Variants in CCDC62 observed in about 807,000 individuals in gnomAD.
CCDC62 encodes coiled-coil domain containing 62, also known as coiled-coil domain-containing protein 62.
In CCDC62, 72 loss-of-function variants were observed where a neutral mutation model predicts 80.8. The observed-to-expected ratio is 0.89, with a 90% CI of 0.74 to 1.08. The LOEUF (loss-of-function observed/expected upper bound fraction) is 1.08, where lower values mean the gene tolerates loss of function less well. Ranked by LOEUF, CCDC62 falls within the 50% of genes least tolerant of loss-of-function variation. The probability of loss-of-function intolerance (pLI) is 0.00; values close to 1 mark genes in which losing one functional copy is unlikely to be tolerated. For missense variants in CCDC62, 704 were observed against 809.4 expected (o/e 0.87, Z 1.58); for synonymous variants, 286 against 296.5 (o/e 0.96, Z 0.36).
At chr12:122,807,870 C>T (rs924092988) in intron 10 of CCDC62, among the ~76,000 whole-genome samples, 5 of 152,076 alleles carry the variant, frequency 3.3e-5, no homozygotes, top group African/African-American at 1.2e-4. Context: ...ACTTTTGTGT[C>T]CCTCTTGTTT....
chr12:122,782,015 G>C (rs770063283), intron 3 of CCDC62, among the ~76,000 whole-genome samples: 6 of 142,726 alleles, frequency 4.2e-5, no homozygotes, highest in Non-Finnish European at 6.0e-5. Flanking sequence ...CTACACCCCA[G>C]CCTGGGTGAC....
At chr12:122,814,228 C>G (rs1394487563) in intron 11 of CCDC62, among the ~76,000 whole-genome samples, 1 of 143,804 alleles carries the variant, frequency 7.0e-6, no homozygotes, top group Non-Finnish European at 1.5e-5. Context: ...TTATGGTAAG[C>G]CGAGATTGTG....
chr12:122,811,467 TC>T (rs1203759135), intron 10 of CCDC62, among the ~76,000 whole-genome samples: 1 of 147,772 alleles, frequency 6.8e-6, no homozygotes, highest in Admixed American at 6.8e-5. Flanking sequence ...CGCCTCAGCC[TC>T]CCAAAGTGCT....
intron 6 of CCDC62, among the ~76,000 whole-genome samples, chr12:122,795,498 A>G (rs1247853570): frequency 6.6e-6 from 1 of 151,286 alleles, no homozygotes; most frequent in Non-Finnish European, 1.5e-5. Flanking sequence ...TTCGCGGCTC[A>G]CTGCAAGCTC....
chr12:122,793,303 A>T (rs1000017450), intron 6 of CCDC62, among the ~76,000 whole-genome samples: 1 of 152,154 alleles, frequency 6.6e-6, no homozygotes, highest in Non-Finnish European at 1.5e-5. Flanking sequence ...AAAAGTGTTC[A>T]TATGATTTTC....
chr12:122,789,473 C>T (rs1166856069), intron 5 of CCDC62, among the ~76,000 whole-genome samples: 1 of 152,206 alleles, frequency 6.6e-6, no homozygotes, highest in African/African-American at 2.4e-5. Flanking sequence ...CACTCTGTCA[C>T]CCAGGCTGGA....
chr12:122,812,816 AAAG>A (rs2031994796), intron 10 of CCDC62, among the ~76,000 whole-genome samples: 1 of 150,034 alleles, frequency 6.7e-6, no homozygotes, highest in East Asian at 1.9e-4. Context: ...AGAAAGAAAG[AAAG>A]AAAGAAAGAA....
chr12:122,798,733 A>G (rs1322714077), intron 8 of CCDC62, among the ~76,000 whole-genome samples: 2 of 152,148 alleles, frequency 1.3e-5, no homozygotes, highest in Non-Finnish European at 2.9e-5. Context: ...GTGAGCCGAG[A>G]TCGCGCCATT....
intron 6 of CCDC62, among the ~76,000 whole-genome samples, chr12:122,796,333 G>A (rs2030957747): frequency 1.3e-5 from 2 of 152,046 alleles, no homozygotes; most frequent in Admixed American, 6.6e-5. Flanking sequence ...TTAAGAGACA[G>A]TGTCTTGCTG....
At chr12:122,786,290 G>A (rs1056891589) in intron 4 of CCDC62, among the ~76,000 whole-genome samples, 1 of 147,024 alleles carries the variant, frequency 6.8e-6, no homozygotes, top group Non-Finnish European at 1.5e-5. Context: ...TGGGACTACA[G>A]GCGCCCGCCA....
intron 5 of CCDC62, among the ~76,000 whole-genome samples, chr12:122,790,107 A>G (rs1372072392): frequency 6.6e-6 from 1 of 151,876 alleles, no homozygotes; most frequent in Non-Finnish European, 1.5e-5. Context: ...CTGGAGTGCA[A>G]TGGCGTGATC....
intron 3 of CCDC62, among the ~76,000 whole-genome samples, chr12:122,784,009 G>A (rs2030050879): frequency 6.6e-6 from 1 of 152,106 alleles, no homozygotes; most frequent in African/African-American, 2.4e-5. Flanking sequence ...AGTATGTACA[G>A]AATAGTTTCA....
intron 5 of CCDC62, among the ~76,000 whole-genome samples, chr12:122,790,702 C>T (rs772088932): frequency 3.7e-4 from 57 of 152,192 alleles, no homozygotes; most frequent in Non-Finnish European, 7.4e-4. Context: ...GCTCAATCTC[C>T]AGCCCTCCCT....
chr12:122,789,239 G>C (rs2030451396), intron 5 of CCDC62, among the ~76,000 whole-genome samples: 1 of 152,206 alleles, frequency 6.6e-6, no homozygotes. Flanking sequence ...GTGGCAGACA[G>C]TCGTAGCATT....
chr12:122,775,036 G>A (rs1400505242), intron 1 of CCDC62, among the ~76,000 whole-genome samples: 2 of 144,460 alleles, frequency 1.4e-5, no homozygotes, highest in Non-Finnish European at 3.0e-5. Context: ...AGAGCTTGCA[G>A]TGAGCCGAGA....
intron 11 of CCDC62, among the ~76,000 whole-genome samples, chr12:122,822,937 A>T (rs2032473772): frequency 6.6e-6 from 1 of 151,492 alleles, no homozygotes; most frequent in Non-Finnish European, 1.5e-5. Flanking sequence ...TGGAGTGCAG[A>T]TATCTCTTCA....
chr12:122,790,092 C>T (rs2030506784), intron 5 of CCDC62, among the ~76,000 whole-genome samples: 1 of 151,896 alleles, frequency 6.6e-6, no homozygotes, highest in Non-Finnish European at 1.5e-5. Context: ...GCTCTGCTGC[C>T]CAGGCTGGAG....
At chr12:122,795,160 C>G (rs932368324) in intron 6 of CCDC62, among the ~76,000 whole-genome samples, 2 of 151,654 alleles carry the variant, frequency 1.3e-5, no homozygotes, top group African/African-American at 4.8e-5. Context: ...AAGCAATTCT[C>G]ATGCCTCAGC....
chr12:122,812,760 A>AGG (rs2031963362), intron 10 of CCDC62, among the ~76,000 whole-genome samples: 1 of 70,522 alleles, frequency 1.4e-5, no homozygotes. Flanking sequence ...AGGGAGGGAG[A>AGG]GAGAGAGAGA....
Sources: allele counts gnomAD v4.1 joint callset (sites outside exome capture counted in the v4.1 genomes callset), GRCh38; gene constraint gnomAD v4.1.1; transcripts MANE v1.5; gene names NCBI Gene and HGNC (gene_info 2026-07-23, HGNC 2026-07-21).